Variants in PTPRD observed in about 807,000 individuals in gnomAD.
The protein encoded by PTPRD is receptor-type tyrosine-protein phosphatase delta.
In PTPRD, 34 loss-of-function variants were observed where a neutral mutation model predicts 214.5. The ratio of observed to expected loss-of-function variants is 0.16; its 90% CI spans 0.12 to 0.21. The LOEUF is 0.21. PTPRD is among the 10% of genes least tolerant of loss of function. The pLI is 1.00. For synonymous variants in PTPRD, 1,128 were observed against 845.7 expected (o/e 1.33, Z -5.79); for missense variants, 2,545 against 2,398.7 (o/e 1.06, Z -1.27).
intron 11 of PTPRD, among the ~76,000 whole-genome samples, chr9:8,940,280 C>CTTCTCTCCTTTTTTTTTTTTTT (rs2099024010): frequency 2.2e-5 from 2 of 89,050 alleles, no homozygotes. Flanking sequence ...TCTCTCTCTC[C>CTTCTCTCCTTTTTTTTTTTTTT]TTTTTTTTTT....
intron 10 of PTPRD, among the ~76,000 whole-genome samples, chr9:9,041,245 G>A (rs1003933906): frequency 6.6e-6 from 1 of 152,060 alleles, no homozygotes; most frequent in East Asian, 1.9e-4. Context: ...CAGGGGTACA[G>A]GTGCGGGTTT....
chr9:9,331,177 T>G (rs1253698853), intron 9 of PTPRD, among the ~76,000 whole-genome samples: 1 of 152,090 alleles, frequency 6.6e-6, no homozygotes, highest in African/African-American at 2.4e-5. Flanking sequence ...TGCGTTCTGT[T>G]CTCTTCTCTC....
intron 2 of PTPRD, among the ~76,000 whole-genome samples, chr9:10,397,842 G>A (rs1216742943): frequency 6.6e-6 from 1 of 151,822 alleles, no homozygotes; most frequent in Non-Finnish European, 1.5e-5. Context: ...TGTATAGTAG[G>A]CAATATCATA....
At chr9:10,567,829 A>T (rs1486329217) in intron 2 of PTPRD, among the ~76,000 whole-genome samples, 1 of 151,810 alleles carries the variant, frequency 6.6e-6, no homozygotes, top group East Asian at 1.9e-4. Flanking sequence ...AGGTGTCACC[A>T]GTTAAACCAT....
At chr9:9,883,749 T>G (rs1364797554) in intron 5 of PTPRD, among the ~76,000 whole-genome samples, 1 of 152,176 alleles carries the variant, frequency 6.6e-6, no homozygotes, top group Non-Finnish European at 1.5e-5. Flanking sequence ...TATTTATCAT[T>G]TAGCCGTATA....
intron 31 of PTPRD, among the ~76,000 whole-genome samples, chr9:8,467,974 C>T (rs567410168): frequency 2.6e-5 from 4 of 151,920 alleles, no homozygotes; most frequent in East Asian, 1.9e-4. Context: ...GTGACTGTGT[C>T]CCCTCTTCTA....
intron 10 of PTPRD, among the ~76,000 whole-genome samples, chr9:9,121,454 G>T (rs1464359077): frequency 1.3e-5 from 2 of 150,570 alleles, no homozygotes; most frequent in South Asian, 4.2e-4. Flanking sequence ...AGAAACTTTG[G>T]TATATATATA....
chr9:8,865,148 A>T lies in PTPRD; in HGVS notation c.-103-131202T>A, dbSNP rs533413609. On this transcript the variant is annotated intron_variant, in intron 11 of 45. Coordinates refer to ENST00000381196, the MANE Select transcript of PTPRD (RefSeq NM_002839.4). The stretch of plus-strand genomic sequence containing the variant: ...ATCACTTTTTAAAAATAAATCTATC[A>T]TTCTTTCTTTAATCATAATACAAAC... Among the ~76,000 whole-genome samples the T allele has an allele frequency of 5.5e-3, 556 of 100,978 alleles. 1 individual carries two copies. Among genetic ancestry groups the T allele is most frequent in the African/African-American group, 0.018 (534 of 29,568 alleles). 66.2% of individuals were successfully genotyped at this position (100,978 alleles called of 152,430 possible).
At chr9:8,866,495 G>A (rs925948267) in intron 11 of PTPRD, among the ~76,000 whole-genome samples, 3 of 152,126 alleles carry the variant, frequency 2.0e-5, no homozygotes, top group Non-Finnish European at 4.4e-5. Context: ...TAAAACACAA[G>A]TTGATTATGT....
intron 15 of PTPRD, 200 bp downstream of exon 15, chr9:8,528,391 C>T (rs748883542): frequency 1.6e-6 from 1 of 631,484 alleles, no homozygotes; most frequent in Non-Finnish European, 2.8e-6. Flanking sequence ...GCAAAACACA[C>T]AGAGAAAAGG....
chr9:9,178,605 G>C, intron 10 of PTPRD, among the ~76,000 whole-genome samples: 1 of 151,964 alleles, frequency 6.6e-6, no homozygotes, highest in Middle Eastern at 3.2e-3. Flanking sequence ...CAAACTCTAA[G>C]TCTAGTTATG....
At chr9:8,662,185 A>C (rs1461840036) in intron 12 of PTPRD, among the ~76,000 whole-genome samples, 1 of 152,184 alleles carries the variant, frequency 6.6e-6, no homozygotes, top group Non-Finnish European at 1.5e-5. Context: ...CCAAGTCACA[A>C]CTGCATGTTT....
rs1303243388 is a variant in PTPRD, at chr9:8,907,531, A to ATATATAT, written c.-104+111165_-104+111166insATATATA. 1.3e-4 allele frequency among the ~76,000 whole-genome samples: 16 copies of ATATATAT among 127,024 alleles called. No individual in the cohort carries two copies. The East Asian group carries it at 3.2e-3, about 26-fold the overall frequency. The allele number at this position is 127,024 out of a possible 152,430, so 83.3% of individuals were successfully genotyped here. A position where few individuals can be genotyped will look rare whatever the true frequency, so the allele number is the denominator to read the frequency against. On this transcript the variant is annotated intron_variant, in intron 11 of 45. Coordinates refer to ENST00000381196, the MANE Select transcript of PTPRD (RefSeq NM_002839.4). ...AGACTCCGTCTCAAAAAAAAAAAAA[A>ATATATAT]AAATATATATATATATATATATAAA...
rs560452008 is a variant in PTPRD at position 9,216,812 on chromosome 9, T to C, written c.-202-33449A>G. ...ACATTGATATAACAAAATACTTCTT[T>C]GTAAAATCTATAACTGTGTTAATAT... On this transcript the variant is annotated intron_variant, in intron 9 of 45. Coordinates refer to ENST00000381196, the MANE Select transcript of PTPRD (RefSeq NM_002839.4). Among the ~76,000 whole-genome samples, 4 of 152,268 alleles carry C rather than the reference T, an allele frequency of 2.6e-5. No homozygotes were observed. The South Asian group carries it at 6.2e-4, about 24-fold the overall frequency.
intron 14 of PTPRD, among the ~76,000 whole-genome samples, chr9:8,607,542 C>G (rs1378597908): frequency 6.6e-6 from 1 of 152,102 alleles, no homozygotes; most frequent in Non-Finnish European, 1.5e-5. Context: ...GCTCAGGAGG[C>G]TGAGGCAGGA....
At chr9:10,129,883 G>A (rs34655498) in intron 3 of PTPRD, among the ~76,000 whole-genome samples, 2 of 151,702 alleles carry the variant, frequency 1.3e-5, no homozygotes, top group Admixed American at 6.6e-5. Flanking sequence ...CTAAACAAAA[G>A]CTTATTTGAG....
chr9:9,244,131 A>G (rs574854319), intron 9 of PTPRD, among the ~76,000 whole-genome samples: 1 of 152,302 alleles, frequency 6.6e-6, no homozygotes, highest in African/African-American at 2.4e-5. Context: ...TCTACAAAAT[A>G]AAAGAGGATA....
intron 10 of PTPRD, among the ~76,000 whole-genome samples, chr9:9,040,629 C>G (rs1474076503): frequency 6.6e-6 from 1 of 151,840 alleles, no homozygotes; most frequent in African/African-American, 2.4e-5. Context: ...AAATGTTGTA[C>G]TTTGAAATCA....
chr9:8,457,869 G>C (rs1470363919), intron 33 of PTPRD, among the ~76,000 whole-genome samples: 1 of 152,012 alleles, frequency 6.6e-6, no homozygotes, highest in East Asian at 1.9e-4. Flanking sequence ...CCTAAAAAGA[G>C]GGAATGGACT....
Sources: allele counts gnomAD v4.1 joint callset (sites outside exome capture counted in the v4.1 genomes callset), GRCh38; gene constraint gnomAD v4.1.1; transcripts MANE v1.5; gene names NCBI Gene and HGNC (gene_info 2026-07-23, HGNC 2026-07-21).